Variants in PTPRS observed in about 807,000 individuals in gnomAD.
The protein encoded by PTPRS is receptor-type tyrosine-protein phosphatase S.
A neutral mutation model predicts 215.3 loss-of-function variants in PTPRS; 63 were observed. The ratio of observed to expected loss-of-function variants is 0.29; its 90% confidence interval spans 0.24 to 0.36. PTPRS has a LOEUF of 0.36. Ranked by LOEUF, PTPRS falls within the 10% of genes least tolerant of loss-of-function variation. The pLI is 1.00. For missense variants in PTPRS, 2,258 were observed against 2,825.8 expected, an observed-to-expected ratio of 0.80 and a Z score of 4.56; for synonymous variants, 1,404 against 1,191.4, an observed-to-expected ratio of 1.18 and a Z score of -3.68.
In PTPRS at chr19:5,210,254, A is replaced by C. The variant is rs377363565; in HGVS notation, c.5487+215T>G. ...ATCATCCCCTGGGGCCATGTTCCCT[A>C]GTGAGTGGAGACACTGCAGGGTCAG... On this transcript the variant is annotated intron_variant, in intron 35 of 37. Coordinates refer to ENST00000262963, the MANE Select transcript of PTPRS (RefSeq NM_002850.4). This position sits in a 1 kb window ranked among gnomAD's most constrained non-coding sequence, Gnocchi z 4.5. Among the ~76,000 whole-genome samples, 41 of 152,272 alleles carry C rather than the reference A, an allele frequency of 2.7e-4. No individual in the cohort carries two copies. Among genetic ancestry groups the C allele is most frequent in the African/African-American group, 9.4e-4 (39 of 41,558 alleles).
chr19:5,231,658 T>C (rs922949506), intron 13 of PTPRS, 43 bp from the exon 14 acceptor site: 2 of 46,426 alleles, frequency 4.3e-5, no homozygotes, highest in Admixed American at 4.0e-4. Flanking sequence ...GGAAGGGAGG[T>C]GGGATGGGTG....
In PTPRS at chr19:5,309,665, C is replaced by A. The variant is rs546409570; in HGVS notation, c.-94-23431G>T. On this transcript the variant is annotated intron_variant, in intron 1 of 37. Transcript: ENST00000262963. The stretch of plus-strand genomic sequence containing the variant: ...CCTCAGCTCATCTTCTCCGTCTTTA[C>A]CGATGTTCAGGACAGAGGCCTGGGA... Among the ~76,000 whole-genome samples the A allele has an allele frequency of 2.6e-5, 4 of 152,252 alleles. No homozygotes were observed. The South Asian group carries it at 8.3e-4, about 32-fold the overall frequency.
intron 1 of PTPRS, among the ~76,000 whole-genome samples, chr19:5,333,747 C>A (rs972394417): frequency 1.3e-5 from 2 of 152,170 alleles, no homozygotes; most frequent in African/African-American, 4.8e-5. Flanking sequence ...AACTGAGGCA[C>A]AGAACAGCTT....
intron 20 of PTPRS, 46 bp downstream of exon 20, chr19:5,220,954 G>T (rs780219311): frequency 6.4e-7 from 1 of 1,565,816 alleles, no homozygotes; most frequent in South Asian, 1.2e-5. Context: ...CCATATAGTA[G>T]GCTGATGGGG....
chr19:5,245,872 G>A lies in PTPRS; in HGVS notation c.892C>T (p.Leu298=). The change falls in exon 10 of 38, where the codon CTG becomes TTG. Residue 298 remains leucine (L), a synonymous_variant. Coordinates refer to ENST00000262963, the MANE Select transcript of PTPRS (RefSeq NM_002850.4). ...EDDMPVGRNV[L]ELTDVKDSAN... is the part of the protein sequence containing the mutation. Reference sequence around the variant, plus strand: ...GAGTCCTTGACATCTGTGAGTTCCAGCACGTTCCGACCCACGGGCATGTCA... The same window carrying A: ...GAGTCCTTGACATCTGTGAGTTCCAACACGTTCCGACCCACGGGCATGTCA... 6.2e-7 allele frequency: 1 copy of A among 1,614,020 alleles called. No homozygotes were observed. The highest frequency in any genetic ancestry group is 1.1e-5 in the South Asian group (1 of 91,054).
intron 26 of PTPRS, 36 bp from the exon 27 acceptor site, chr19:5,215,631 C>G: frequency 1.5e-6 from 2 of 1,334,938 alleles, no homozygotes; most frequent in Non-Finnish European, 1.0e-6. Context: ...GGGTTGGTCA[C>G]TTGGGGGGCC....
chr19:5,260,970 C>G (rs1003853012), intron 6 of PTPRS, 148 bp from the exon 7 acceptor site: 2 of 953,638 alleles, frequency 2.1e-6, no homozygotes, highest in African/African-American at 3.3e-5. Flanking sequence ...GCATACGGAC[C>G]CTGCGGGCTT....
At chr19:5,213,587 C>A (rs938738976) in intron 30 of PTPRS, among the ~76,000 whole-genome samples, 1 of 152,160 alleles carries the variant, frequency 6.6e-6, no homozygotes, top group African/African-American at 2.4e-5. Flanking sequence ...AACGTTTTGT[C>A]TGTTTAGGTC....
chr19:5,224,279 G>C (rs1224538650), intron 17 of PTPRS, among the ~76,000 whole-genome samples: 3 of 152,342 alleles, frequency 2.0e-5, no homozygotes, highest in Non-Finnish European at 4.4e-5. Flanking sequence ...TCGTGCTCCA[G>C]GAAGAGGGAA....
At chr19:5,252,482 C>T (rs1014325606) in intron 9 of PTPRS, among the ~76,000 whole-genome samples, 2 of 148,540 alleles carry the variant, frequency 1.3e-5, no homozygotes, top group African/African-American at 5.0e-5. Context: ...GGGACTGAGG[C>T]AGGAGAATCA....
chr19:5,323,982 C>T (rs1177725704), intron 1 of PTPRS, among the ~76,000 whole-genome samples: 1 of 152,078 alleles, frequency 6.6e-6, no homozygotes, highest in Non-Finnish European at 1.5e-5. Flanking sequence ...GTAATACCAG[C>T]ACTTTGGGAG....
chr19:5,236,100 G>A (rs1004579864), intron 13 of PTPRS, among the ~76,000 whole-genome samples: 5 of 152,146 alleles, frequency 3.3e-5, no homozygotes, highest in East Asian at 1.9e-4. Context: ...GCCACCCCGC[G>A]TCAACGGTGG....
intron 7 of PTPRS, among the ~76,000 whole-genome samples, chr19:5,259,085 T>C (rs1025903219): frequency 5.3e-5 from 8 of 152,204 alleles, no homozygotes; most frequent in Non-Finnish European, 1.2e-4. Flanking sequence ...AAGCCTCTCA[T>C]ACTCACAAGT....
intron 11 of PTPRS, 117 bp downstream of exon 11, chr19:5,243,784 T>C: frequency 2.1e-6 from 2 of 974,818 alleles, no homozygotes. Flanking sequence ...AATGCTAGCA[T>C]GAAAATATCT....
rs758337995 is a variant in PTPRS at position 5,274,308 on chromosome 19, A to T, written c.128T>A (p.Ile43Asn). The T allele has an allele frequency of 1.3e-6, 2 of 1,587,756 alleles. No individual in the cohort carries two copies. Among genetic ancestry groups the T allele is most frequent in the Non-Finnish European group, 1.7e-6 (2 of 1,164,682 alleles). The part of the protein sequence containing the change: ...PRFIKEPKDQ[I>N]GVSGGVASFV... Reference sequence around the variant, plus strand: ...AGAGGCCACACCCCCCGACACGCCGATCTGGTCCTTGGGTTCTTTGATAAA... The same window carrying T: ...AGAGGCCACACCCCCCGACACGCCGTTCTGGTCCTTGGGTTCTTTGATAAA... The change falls in exon 3 of 38, where the codon ATC becomes AAC. Residue 43 changes from isoleucine to asparagine, a missense_variant. Transcript: ENST00000262963.
chr19:5,222,285 G>A (rs1213546259), intron 18 of PTPRS, 65 bp from the exon 19 acceptor site: 17 of 1,383,746 alleles, frequency 1.2e-5, no homozygotes, highest in Non-Finnish European at 1.7e-5. Context: ...CTGGCACTGG[G>A]TGGCGTGAAG....
intron 1 of PTPRS, among the ~76,000 whole-genome samples, chr19:5,323,188 T>C (rs2050078321): frequency 6.6e-6 from 1 of 151,628 alleles, no homozygotes; most frequent in Non-Finnish European, 1.5e-5. Flanking sequence ...AAAACCCCAT[T>C]TCTACTAAAA....
At chr19:5,260,964 A>T in intron 6 of PTPRS, 142 bp from the exon 7 acceptor site, 1 of 1,002,750 alleles carries the variant, frequency 1.0e-6, no homozygotes, top group Non-Finnish European at 1.5e-6. Flanking sequence ...CCCTGGGCAT[A>T]CGGACCCTGC....
intron 22 of PTPRS, 25 bp downstream of exon 22, chr19:5,219,914 T>C: frequency 6.2e-7 from 1 of 1,607,440 alleles, no homozygotes; most frequent in South Asian, 1.1e-5. Context: ...TGTCTGGATG[T>C]GGGCGGACAC....
Sources: allele counts gnomAD v4.1 joint callset (sites outside exome capture counted in the v4.1 genomes callset), GRCh38; gene constraint gnomAD v4.1.1; non-coding constraint Gnocchi (gnomAD v3.1); transcripts MANE v1.5; gene names NCBI Gene and HGNC (gene_info 2026-07-23, HGNC 2026-07-21).